The following SKAP1 variants were observed in gnomAD, a reference collection of about 807,000 sequenced individuals.
The protein encoded by SKAP1 is src kinase-associated phosphoprotein 1.
SKAP1 carries 44 observed loss-of-function variants against 58.5 expected under a neutral mutation model. That is an observed-to-expected ratio of 0.75 (90% CI 0.59 to 0.97). The LOEUF (loss-of-function observed/expected upper bound fraction) is 0.97, where lower values mean the gene tolerates loss of function less well. SKAP1 is among the 50% of genes least tolerant of loss of function. The pLI, the probability that SKAP1 is intolerant of heterozygous loss-of-function variation, is 0.00. For missense variants in SKAP1, 390 were observed against 435.2 expected (o/e 0.90, Z 0.92); for synonymous variants, 127 against 149.7 (o/e 0.85, Z 1.11).
intron 11 of SKAP1, among the ~76,000 whole-genome samples, chr17:48,140,278 C>T (rs998318600): frequency 6.6e-6 from 1 of 152,208 alleles, no homozygotes; most frequent in African/African-American, 2.4e-5. Flanking sequence ...AGTGCTGGCA[C>T]TATTGGTCCT....
intron 6 of SKAP1, 139 bp downstream of exon 6, chr17:48,187,704 C>T (rs2064476891): frequency 1.7e-6 from 1 of 583,878 alleles, no homozygotes; most frequent in Non-Finnish European, 3.0e-6. Context: ...TATTATTTGT[C>T]CATGCCAATT....
At chr17:48,305,594 A>G (rs1268324132) in intron 4 of SKAP1, among the ~76,000 whole-genome samples, 2 of 152,236 alleles carry the variant, frequency 1.3e-5, no homozygotes, top group African/African-American at 4.8e-5. Flanking sequence ...GGAGTGCCTC[A>G]CTTTCCTGTT....
intron 4 of SKAP1, among the ~76,000 whole-genome samples, chr17:48,228,765 T>A (rs16954078): frequency 0.14 from 21,254 of 152,230 alleles, 2,047 homozygotes; most frequent in Non-Finnish European, 0.2. Flanking sequence ...CAGAGCTCAG[T>A]TAAGCCTTTT....
chr17:48,170,543 G>T, intron 10 of SKAP1, 66 bp downstream of exon 10: 1 of 1,320,668 alleles, frequency 7.6e-7, no homozygotes. Flanking sequence ...TCAGAGAAAG[G>T]TGCTTTCTCT....
intron 11 of SKAP1, among the ~76,000 whole-genome samples, chr17:48,160,592 C>T (rs751325536): frequency 2.2e-4 from 34 of 152,228 alleles, no homozygotes; most frequent in Non-Finnish European, 4.1e-4. Context: ...CACCGCACAA[C>T]CCCTTCTAAC....
chr17:48,171,419 TA>T (rs1050068472), intron 9 of SKAP1, among the ~76,000 whole-genome samples: 144 of 152,004 alleles, frequency 9.5e-4, no homozygotes, highest in African/African-American at 3.2e-3. Context: ...ACTGTGTTCT[TA>T]AAAAAAATAT....
intron 4 of SKAP1, among the ~76,000 whole-genome samples, chr17:48,287,239 C>T (rs1056942384): frequency 4.6e-5 from 7 of 152,072 alleles, no homozygotes; most frequent in African/African-American, 1.2e-4. Context: ...CCACCTGGTT[C>T]GACATTTTCA....
chr17:48,138,971 C>T (rs554073026), intron 11 of SKAP1, among the ~76,000 whole-genome samples: 2 of 152,176 alleles, frequency 1.3e-5, no homozygotes, highest in East Asian at 1.9e-4. Context: ...TCACTGCAAC[C>T]TCCACCACCT....
chr17:48,150,461 A>G (rs140591145), intron 11 of SKAP1, among the ~76,000 whole-genome samples: 85 of 152,368 alleles, frequency 5.6e-4, no homozygotes, highest in Non-Finnish European at 1.1e-3. Context: ...TTCAAAAGGC[A>G]TTGCTTTGTA....
intron 4 of SKAP1, among the ~76,000 whole-genome samples, chr17:48,284,695 A>T (rs2065808704): frequency 6.6e-6 from 1 of 152,232 alleles, no homozygotes; most frequent in African/African-American, 2.4e-5. Flanking sequence ...ACTAGAGAAC[A>T]TATCTATGTC....
chr17:48,372,155 A>G (rs539721376), intron 2 of SKAP1, among the ~76,000 whole-genome samples: 8 of 151,964 alleles, frequency 5.3e-5, no homozygotes, highest in Non-Finnish European at 1.2e-4. Context: ...ATCTTTTAGT[A>G]GAGATGGGGT....
At chr17:48,150,822 A>G (rs2063893286) in intron 11 of SKAP1, among the ~76,000 whole-genome samples, 1 of 152,214 alleles carries the variant, frequency 6.6e-6, no homozygotes, top group South Asian at 2.1e-4. Context: ...TTATGTGGGA[A>G]CAGGCACAGA....
chr17:48,435,027 T>G (rs978482111), upstream of SKAP1, among the ~76,000 whole-genome samples: 1 of 152,152 alleles, frequency 6.6e-6, no homozygotes, highest in Admixed American at 6.5e-5. Flanking sequence ...GGCATAAGCC[T>G]GTAGTCCCAG....
chr17:48,231,540 G>C (rs1211808285), intron 4 of SKAP1, among the ~76,000 whole-genome samples: 3 of 51,364 alleles, frequency 5.8e-5, no homozygotes, highest in Non-Finnish European at 7.9e-5. Context: ...CAGAAAATGA[G>C]TTAATAAAAA....
intron 4 of SKAP1, among the ~76,000 whole-genome samples, chr17:48,192,973 T>G (rs529091025): frequency 6.6e-6 from 1 of 152,314 alleles, no homozygotes; most frequent in African/African-American, 2.4e-5. Flanking sequence ...TGAAAAGGAA[T>G]AGAGCTGGAA....
intron 4 of SKAP1, among the ~76,000 whole-genome samples, chr17:48,194,298 T>C (rs1310483984): frequency 6.6e-6 from 1 of 152,182 alleles, no homozygotes; most frequent in Non-Finnish European, 1.5e-5. Context: ...TTTAAACCCT[T>C]GTATCCCACC....
At chr17:48,242,210 C>T (rs888669639) in intron 4 of SKAP1, among the ~76,000 whole-genome samples, 9 of 152,226 alleles carry the variant, frequency 5.9e-5, no homozygotes, top group South Asian at 2.1e-4. Context: ...CCTCACCCCT[C>T]GGGCTTCTTT....
chr17:48,432,920 G>A (rs1004004345), upstream of SKAP1, among the ~76,000 whole-genome samples: 4 of 152,210 alleles, frequency 2.6e-5, no homozygotes, highest in East Asian at 1.9e-4. Flanking sequence ...CACAGTGTAC[G>A]TATTCTATAT....
intron 11 of SKAP1, among the ~76,000 whole-genome samples, chr17:48,139,001 G>T (rs1275641510): frequency 6.6e-6 from 1 of 151,870 alleles, no homozygotes; most frequent in Non-Finnish European, 1.5e-5. Context: ...TGATTTTCCT[G>T]CCTCAGCCTC....
Sources: gnomAD v4.1 joint callset for allele counts (sites outside exome capture counted in the v4.1 genomes callset) on GRCh38, gnomAD v4.1.1 for gene constraint, MANE v1.5 for transcripts, NCBI Gene and HGNC (gene_info 2026-07-23, HGNC 2026-07-21) for gene names.